Variants in MAP2K6 observed in about 807,000 individuals in gnomAD.
MAP2K6 encodes the protein mitogen-activated protein kinase kinase 6, also known as dual specificity mitogen-activated protein kinase kinase 6.
A neutral mutation model predicts 53.7 loss-of-function variants in MAP2K6; 16 were observed. The ratio of observed to expected loss-of-function variants is 0.30; its 90% CI spans 0.20 to 0.45. MAP2K6 has a LOEUF of 0.45. MAP2K6 is among the 20% of genes least tolerant of loss of function. The pLI, the probability that MAP2K6 is intolerant of heterozygous loss-of-function variation, is 1.00. For missense variants in MAP2K6, 204 were observed against 411.9 expected (o/e 0.50, Z 4.37); for synonymous variants, 132 against 143.1 (o/e 0.92, Z 0.55).
At chr17:69,523,787 TTA>T (rs1233756838) in intron 8 of MAP2K6, 146 bp downstream of exon 8, 4 of 1,062,110 alleles carry the variant, frequency 3.8e-6, no homozygotes, top group Admixed American at 4.6e-5. Flanking sequence ...CTTCAAAATT[TTA>T]TGTCTGAAAT....
At chr17:69,417,206 C>G (rs368625961) in intron 1 of MAP2K6, among the ~76,000 whole-genome samples, 2 of 152,134 alleles carry the variant, frequency 1.3e-5, no homozygotes, top group East Asian at 1.9e-4. Flanking sequence ...GTGGAATTGG[C>G]CTTATTCAGC....
chr17:69,526,310 T>C lies in MAP2K6; in HGVS notation c.742-260T>C, dbSNP rs555984665. 1.9e-3 allele frequency among the ~76,000 whole-genome samples: 294 copies of C among 152,300 alleles called. 2 individuals are homozygous for C. Among genetic ancestry groups the C allele is most frequent in the Middle Eastern group, 0.01 (3 of 294 alleles). On this transcript the variant is annotated intron_variant, in intron 9 of 11. Coordinates refer to ENST00000590474, the MANE Select transcript of MAP2K6 (RefSeq NM_002758.4). ...TTACAATTTTTATGAAGTGCCACAGTGGGTTTTAGTGAGGGTCCCCATTTT... is the reference window on the plus strand; with the variant it reads ...TTACAATTTTTATGAAGTGCCACAGCGGGTTTTAGTGAGGGTCCCCATTTT...
chr17:69,505,152 A>G lies in MAP2K6; in HGVS notation c.17-628A>G, dbSNP rs1253501125. Among the ~76,000 whole-genome samples, 3 of 151,770 alleles carry G rather than the reference A, an allele frequency of 2.0e-5. No homozygotes were observed. In the South Asian group the frequency reaches 6.2e-4, roughly 32 times the overall value. ...GTAAAAGAAAAAAAAAACAAAAACA[A>G]AAAACAAGGCCAGGCATGGTGGCTC... On this transcript the variant is annotated intron_variant, in intron 1 of 11. Transcript: ENST00000590474.
chr17:69,500,538 C>T (rs751519404), intron 1 of MAP2K6, among the ~76,000 whole-genome samples: 8 of 149,620 alleles, frequency 5.3e-5, no homozygotes, highest in Non-Finnish European at 1.0e-4. Context: ...AGGTGGATCA[C>T]GAGGTCAGGA....
chr17:69,455,851 GTTTTTTTTTT>G (rs11317793), intron 1 of MAP2K6, among the ~76,000 whole-genome samples: 1 of 95,378 alleles, frequency 1.0e-5, no homozygotes, highest in Non-Finnish European at 2.0e-5. Context: ...TGGACTTTCA[GTTTTTTTTTT>G]TTTTTTTTTT....
intron 1 of MAP2K6, among the ~76,000 whole-genome samples, chr17:69,498,752 A>G (rs956090579): frequency 9.9e-5 from 15 of 152,156 alleles, no homozygotes; most frequent in African/African-American, 3.6e-4. Flanking sequence ...GGCGTTATCC[A>G]GTTTCCTGCA....
At chr17:69,502,803 T>G (rs1416712219) in intron 1 of MAP2K6, 13 of 671,212 alleles carry the variant, frequency 1.9e-5, no homozygotes, top group Non-Finnish European at 2.4e-5. Context: ...TTTGGTCTTT[T>G]ATTCCTTTGG....
intron 1 of MAP2K6, among the ~76,000 whole-genome samples, chr17:69,448,502 C>T (rs1428274839): frequency 6.6e-6 from 1 of 152,200 alleles, no homozygotes; most frequent in Non-Finnish European, 1.5e-5. Context: ...GGCTGTCTTG[C>T]TGCTTGCTGC....
At position 69,534,041 on chromosome 17, in the gene MAP2K6, CT is replaced by C. The variant is rs1439042152; in HGVS notation, c.882-2071del. 3.3e-5 allele frequency among the ~76,000 whole-genome samples: 5 copies of C among 152,136 alleles called. No homozygotes were observed. The East Asian group carries it at 9.6e-4, about 29-fold the overall frequency. On this transcript the variant is annotated intron_variant, in intron 10 of 11. Coordinates refer to ENST00000590474, the MANE Select transcript of MAP2K6 (RefSeq NM_002758.4). ...TCATGACATTTTGGGCTAGAGTGTT[CT>C]TTGTTGTGCGGGATTGCCCAGTGCA...
chr17:69,534,529 T>G (rs2144857295), intron 10 of MAP2K6, among the ~76,000 whole-genome samples: 1 of 152,174 alleles, frequency 6.6e-6, no homozygotes, highest in South Asian at 2.1e-4. Flanking sequence ...AGGCTGATTT[T>G]AAGTTGTTTT....
intron 1 of MAP2K6, chr17:69,434,702 T>C (rs1906582057): frequency 6.6e-6 from 1 of 152,242 alleles, no homozygotes; most frequent in East Asian, 1.9e-4. Flanking sequence ...TTTCTTTTTT[T>C]TAATCTTGAA....
chr17:69,488,345 C>T (rs544678534), intron 1 of MAP2K6, among the ~76,000 whole-genome samples: 1 of 152,282 alleles, frequency 6.6e-6, no homozygotes, highest in East Asian at 1.9e-4. Flanking sequence ...AGTTCAGCCA[C>T]TCTGGAGAGC....
intron 11 of MAP2K6, among the ~76,000 whole-genome samples, chr17:69,540,294 G>A (rs1426826753): frequency 1.3e-5 from 2 of 152,182 alleles, no homozygotes; most frequent in Non-Finnish European, 2.9e-5. Flanking sequence ...TATGTGTCTG[G>A]ATGTAAAAAT....
At position 69,453,352 on chromosome 17, in the gene MAP2K6, A is replaced by G. The variant is rs1411380910; in HGVS notation, c.16+38352A>G. Among the ~76,000 whole-genome samples the G allele has an allele frequency of 2.0e-5, 3 of 152,250 alleles. No individual in the cohort carries two copies. In the East Asian group the frequency reaches 5.8e-4, roughly 29 times the overall value. On this transcript the variant is annotated intron_variant, in intron 1 of 11. Transcript: ENST00000590474. The stretch of plus-strand genomic sequence containing the variant: ...ACAGGCAAATGAATCCAAGTGCTGC[A>G]TTCCAATAAAACTTTATTTACCAAA...
intron 1 of MAP2K6, among the ~76,000 whole-genome samples, chr17:69,443,217 T>A (rs143027338): frequency 2.2e-4 from 34 of 152,324 alleles, no homozygotes; most frequent in African/African-American, 7.9e-4. Flanking sequence ...ATCCCATCCA[T>A]GCATTTGTCA....
At chr17:69,469,370 G>C (rs1598277398) in intron 1 of MAP2K6, among the ~76,000 whole-genome samples, 1 of 152,216 alleles carries the variant, frequency 6.6e-6, no homozygotes. Flanking sequence ...TGTCATGGAA[G>C]GTAACATATT....
chr17:69,421,799 T>C (rs1445950768), intron 1 of MAP2K6, among the ~76,000 whole-genome samples: 2 of 151,944 alleles, frequency 1.3e-5, no homozygotes, highest in Admixed American at 1.3e-4. Flanking sequence ...CGCCTCGGCC[T>C]CCCAAAGTGC....
chr17:69,528,271 A>G (rs911852523), intron 10 of MAP2K6, among the ~76,000 whole-genome samples: 1 of 152,072 alleles, frequency 6.6e-6, no homozygotes, highest in Non-Finnish European at 1.5e-5. Context: ...ATGATGTATG[A>G]GGCTGGTCTG....
chr17:69,417,742 C>T lies in MAP2K6; in HGVS notation c.16+2742C>T, dbSNP rs554777223. 2.0e-5 allele frequency among the ~76,000 whole-genome samples: 3 copies of T among 152,278 alleles called. No individual in the cohort carries two copies. The East Asian group carries it at 5.8e-4, about 29-fold the overall frequency. Reference sequence around the variant, plus strand: ...CAGGAAAAATGTGTCATCTACACTACCCGGGAGAGAAAAACTATTGTTATC... The same window carrying T: ...CAGGAAAAATGTGTCATCTACACTATCCGGGAGAGAAAAACTATTGTTATC... On this transcript the variant is annotated intron_variant, in intron 1 of 11. Coordinates refer to ENST00000590474, the MANE Select transcript of MAP2K6 (RefSeq NM_002758.4).
Sources: gnomAD v4.1 joint callset for allele counts (sites outside exome capture counted in the v4.1 genomes callset) on GRCh38, gnomAD v4.1.1 for gene constraint, MANE v1.5 for transcripts, NCBI Gene and HGNC (gene_info 2026-07-23, HGNC 2026-07-21) for gene names.